The following NAV2 variants were observed in gnomAD, a reference collection of about 807,000 sequenced individuals.
NAV2 encodes neuron navigator 2, also known as helicase, APC down-regulated 1.
Under a neutral mutation model 223.2 loss-of-function variants are expected in NAV2, and 54 were observed. The ratio of observed to expected loss-of-function variants is 0.24; its 90% CI spans 0.19 to 0.30. NAV2 has a LOEUF of 0.30. Among genes scored for constraint, NAV2 ranks in the 10% least tolerant of loss-of-function variants. The pLI is 1.00. For synonymous variants in NAV2, 1,279 were observed against 1,239.3 expected (o/e 1.03, Z -0.67); for missense variants, 2,806 against 3,147.5 (o/e 0.89, Z 2.60).
chr11:20,112,454 T>C (rs1565105590), intron 36 of NAV2, among the ~76,000 whole-genome samples: 2 of 152,020 alleles, frequency 1.3e-5, no homozygotes, highest in South Asian at 2.1e-4. Context: ...TACAGAGAGA[T>C]GGGCCCATCT....
chr11:19,458,636 A>G (rs1852043381), intron 1 of NAV2, among the ~76,000 whole-genome samples: 1 of 152,204 alleles, frequency 6.6e-6, no homozygotes, highest in African/African-American at 2.4e-5. Flanking sequence ...AGGCACAGAG[A>G]GGTGAAGACT....
intron 4 of NAV2, among the ~76,000 whole-genome samples, chr11:19,878,555 T>A (rs2062997626): frequency 6.6e-6 from 1 of 152,196 alleles, no homozygotes; most frequent in South Asian, 2.1e-4. Flanking sequence ...TATGCTCCTG[T>A]CTACTTTGTC....
chr11:19,965,734 A>C (rs538167077), intron 10 of NAV2, among the ~76,000 whole-genome samples: 1 of 152,332 alleles, frequency 6.6e-6, no homozygotes, highest in Admixed American at 6.5e-5. Context: ...CTGTACAACA[A>C]ATTACTCCAT....
chr11:19,988,999 A>C (rs1433318012), intron 11 of NAV2, among the ~76,000 whole-genome samples: 1 of 152,218 alleles, frequency 6.6e-6, no homozygotes, highest in Non-Finnish European at 1.5e-5. Context: ...CCAACAAGCC[A>C]GTTATTTCTG....
intron 1 of NAV2, among the ~76,000 whole-genome samples, chr11:19,783,752 A>G (rs1342157410): frequency 6.6e-6 from 1 of 152,218 alleles, no homozygotes; most frequent in Non-Finnish European, 1.5e-5. Context: ...GATGATAATC[A>G]TTCCAAATTC....
chr11:19,494,097 G>A (rs1415096298), intron 1 of NAV2, among the ~76,000 whole-genome samples: 1 of 152,194 alleles, frequency 6.6e-6, no homozygotes, highest in Non-Finnish European at 1.5e-5. Flanking sequence ...ATGCACAAGT[G>A]ACTGACCCAG....
intron 1 of NAV2, among the ~76,000 whole-genome samples, chr11:19,620,902 A>C (rs2046972542): frequency 6.6e-6 from 1 of 152,208 alleles, no homozygotes; most frequent in Non-Finnish European, 1.5e-5. Flanking sequence ...TGGGTTTGTC[A>C]TAAATAGCTC....
chr11:19,370,102 G>A (rs765149146), intron 1 of NAV2, among the ~76,000 whole-genome samples: 1 of 152,144 alleles, frequency 6.6e-6, no homozygotes, highest in Non-Finnish European at 1.5e-5. Context: ...CATAGCCATC[G>A]ATTTCCCCTT....
chr11:20,014,135 G>C (rs1565767455), intron 11 of NAV2, among the ~76,000 whole-genome samples: 1 of 152,148 alleles, frequency 6.6e-6, no homozygotes, highest in Non-Finnish European at 1.5e-5. Context: ...GGCTGCCAAT[G>C]ATGAGCACCT....
chr11:19,924,295 T>TAAAAAAAAAA (rs76734395), intron 6 of NAV2, among the ~76,000 whole-genome samples: 1 of 129,606 alleles, frequency 7.7e-6, no homozygotes, highest in African/African-American at 3.0e-5. Flanking sequence ...GGTAATTCTT[T>TAAAAAAAAAA]AAAAAAAAAA....
chr11:19,838,680 G>C (rs1225651263), intron 2 of NAV2, among the ~76,000 whole-genome samples: 1 of 152,252 alleles, frequency 6.6e-6, no homozygotes, highest in African/African-American at 2.4e-5. Context: ...CTGGAGTGCA[G>C]TGTTACGATC....
chr11:19,692,427 A>T (rs927733188), intron 1 of NAV2, among the ~76,000 whole-genome samples: 11 of 152,258 alleles, frequency 7.2e-5, no homozygotes, highest in African/African-American at 2.4e-4. Flanking sequence ...AATGCTAAAC[A>T]TATGACTTAT....
chr11:20,013,232 G>A (rs1024175346), intron 11 of NAV2, among the ~76,000 whole-genome samples: 7 of 152,110 alleles, frequency 4.6e-5, no homozygotes, highest in Non-Finnish European at 8.8e-5. Flanking sequence ...TGATACCAAC[G>A]TTGTATACAA....
At position 19,949,025 on chromosome 11, in the gene NAV2, A is replaced by G. The variant is rs758639103; in HGVS notation, c.2590A>G (p.Met864Val). ...EGISMDAPGY[M>V]SDGDVLSKNI... ...CATCAGCATGGATGCCCCCGGCTAC[A>G]TGAGCGACGGGGATGTTCTGAGCAA... Residue 864 changes from methionine (M) to valine (V), a missense_variant, in exon 10 of 38, where the codon ATG becomes GTG. By Grantham distance (21) the Met-to-Val change is conservative (BLOSUM62 1). Transcript: ENST00000349880. 4.3e-6 allele frequency: 7 copies of G among 1,613,830 alleles called. No individual in the cohort carries two copies. Among genetic ancestry groups the G allele is most frequent in the Admixed American group, 1.7e-5 (1 of 60,008 alleles).
At chr11:19,574,462 G>A (rs188322244) in intron 1 of NAV2, among the ~76,000 whole-genome samples, 15 of 152,010 alleles carry the variant, frequency 9.9e-5, no homozygotes, top group Admixed American at 2.6e-4. Context: ...TTGTCCCTGG[G>A]GCTCCAACAC....
chr11:20,101,945 G>A (rs781649987), intron 32 of NAV2, among the ~76,000 whole-genome samples: 9 of 152,168 alleles, frequency 5.9e-5, no homozygotes, highest in African/African-American at 1.7e-4. Context: ...TGACTCCTTC[G>A]CCTTAAGGAT....
intron 1 of NAV2, among the ~76,000 whole-genome samples, chr11:19,730,194 G>A (rs2051625417): frequency 6.6e-6 from 1 of 152,212 alleles, no homozygotes; most frequent in Non-Finnish European, 1.5e-5. Context: ...CGGAAGCCCA[G>A]TTCCCCTCGG....
intron 1 of NAV2, chr11:19,778,268 T>G: frequency 2.3e-6 from 1 of 440,580 alleles, no homozygotes; most frequent in Non-Finnish European, 4.5e-6. Context: ...GGGACCATAA[T>G]TCCCCCATTA....
At chr11:19,978,649 GGTTTTT>G (rs1211062894) in intron 10 of NAV2, 35 of 90,932 alleles carry the variant, frequency 3.8e-4, no homozygotes, top group African/African-American at 1.6e-3. Context: ...GCATCTGAGA[GGTTTTT>G]TTTTTTTTTT....
Sources: allele counts gnomAD v4.1 joint callset (sites outside exome capture counted in the v4.1 genomes callset), GRCh38; gene constraint gnomAD v4.1.1; transcripts MANE v1.5; gene names NCBI Gene and HGNC (gene_info 2026-07-23, HGNC 2026-07-21).